The following ZNF503 variants were observed in gnomAD, a reference collection of about 807,000 sequenced individuals.
ZNF503 encodes NocA-like zinc finger 2.
In ZNF503, 15 loss-of-function variants were observed where a neutral mutation model predicts 34.4. The observed-to-expected ratio is 0.44, with a 90% CI of 0.29 to 0.67. ZNF503 has a LOEUF of 0.67. Among genes scored for constraint, ZNF503 ranks in the 30% least tolerant of loss-of-function variants. The pLI is 0.13. For synonymous variants in ZNF503, 580 were observed against 456.8 expected, an observed-to-expected ratio of 1.27 and a Z score of -3.44; for missense variants, 1,007 against 926.8, an observed-to-expected ratio of 1.09 and a Z score of -1.12.
chr10:75,390,644 C>G, the ZNF503 span, among the ~76,000 whole-genome samples: 4 of 152,186 alleles, frequency 2.6e-5, no homozygotes, highest in Admixed American at 2.0e-4. Flanking sequence ...AAGTCACCAT[C>G]CTGTGACCCA....
At chr10:75,280,469 T>G in the ZNF503 span, 1 of 152,298 alleles carries the variant, frequency 6.6e-6, no homozygotes, top group African/African-American at 2.4e-5. Context: ...TGGCGTGTTT[T>G]GCTGCTGGGA....
chr10:75,317,371 G>A, the ZNF503 span, among the ~76,000 whole-genome samples: 235 of 143,804 alleles, frequency 1.6e-3, no homozygotes, highest in African/African-American at 5.9e-3. Flanking sequence ...TCCATCTCTC[G>A]GGTTCACGCC....
chr10:75,337,490 C>T, the ZNF503 span, among the ~76,000 whole-genome samples: 3,038 of 150,540 alleles, frequency 0.02, 103 homozygotes, highest in African/African-American at 0.071. Context: ...TGGTGGCAGG[C>T]GCCTGTAATC....
the ZNF503 span, among the ~76,000 whole-genome samples, chr10:75,280,654 C>T: frequency 5.9e-5 from 9 of 152,090 alleles, no homozygotes; most frequent in South Asian, 1.9e-3. Flanking sequence ...TATGGGGCAA[C>T]AGCCCCATGC....
Position 75,399,746 on chromosome 10 carries a change from G to A in ZNF503, c.944C>T (p.Ser315Leu), listed in dbSNP as rs377589870. ...KALGSDCGGSSGSSSGSGPSA... is the reference protein window; with the variant it reads ...KALGSDCGGSLGSSSGSGPSA... Reference sequence around the variant, plus strand: ...GGGGCCGGAGCCGGAGCTGGAGCCCGATGAACCGCCGCAGTCCGAGCCCAG... The same window carrying A: ...GGGGCCGGAGCCGGAGCTGGAGCCCAATGAACCGCCGCAGTCCGAGCCCAG... The change falls in exon 2 of 2, where the codon TCG becomes TTG. Residue 315 changes from serine to leucine, a missense_variant. By Grantham distance (145) the Ser-to-Leu change is moderately radical. Coordinates refer to ENST00000372524, the MANE Select transcript of ZNF503 (RefSeq NM_032772.6). 7 of 1,593,208 alleles carry A rather than the reference G, an allele frequency of 4.4e-6. No individual in the cohort carries two copies. In the African/African-American group the frequency reaches 9.4e-5, roughly 21 times the overall value.
At chr10:75,384,167 G>T in the ZNF503 span, among the ~76,000 whole-genome samples, 9 of 152,214 alleles carry the variant, frequency 5.9e-5, no homozygotes, top group Middle Eastern at 3.4e-3. Flanking sequence ...GCTCTGTGTG[G>T]TGGGCGCTCC....
At chr10:75,351,959 G>A in the ZNF503 span, among the ~76,000 whole-genome samples, 101 of 152,266 alleles carry the variant, frequency 6.6e-4, no homozygotes, top group African/African-American at 2.2e-3. Context: ...TAACAGAACA[G>A]GTCATGTGCA....
At chr10:75,297,624 C>T in the ZNF503 span, among the ~76,000 whole-genome samples, 6 of 152,322 alleles carry the variant, frequency 3.9e-5, no homozygotes, top group East Asian at 1.2e-3. Context: ...CTCACAGAGA[C>T]CCAAGAGCAG....
the ZNF503 span, among the ~76,000 whole-genome samples, chr10:75,317,972 G>GGT: frequency 2.0e-5 from 3 of 151,994 alleles, no homozygotes; most frequent in African/African-American, 7.3e-5. Flanking sequence ...CTCCAGCCTG[G>GGT]GCAACAGAGC....
At chr10:75,382,042 T>G in the ZNF503 span, among the ~76,000 whole-genome samples, 8 of 152,070 alleles carry the variant, frequency 5.3e-5, no homozygotes, top group East Asian at 1.6e-3. Context: ...ACTCTTGACC[T>G]CAAGTGATCC....
chr10:75,388,574 A>G, the ZNF503 span, among the ~76,000 whole-genome samples: 1 of 152,192 alleles, frequency 6.6e-6, no homozygotes, highest in Non-Finnish European at 1.5e-5. Context: ...ATACACTATA[A>G]CAAATCCCAG....
the ZNF503 span, among the ~76,000 whole-genome samples, chr10:75,280,957 A>G: frequency 6.6e-6 from 1 of 152,188 alleles, no homozygotes; most frequent in Admixed American, 6.5e-5. Flanking sequence ...CGGCTGCTTC[A>G]GGGAACTTCT....
chr10:75,344,572 C>T, the ZNF503 span, among the ~76,000 whole-genome samples: 2 of 152,330 alleles, frequency 1.3e-5, no homozygotes, highest in East Asian at 3.9e-4. Context: ...CAGCCATCAG[C>T]CTCTATGAAG....
At chr10:75,365,434 C>T in the ZNF503 span, among the ~76,000 whole-genome samples, 1 of 152,246 alleles carries the variant, frequency 6.6e-6, no homozygotes, top group African/African-American at 2.4e-5. Context: ...GCGTGAGCCA[C>T]CGTGCCCGGC....
chr10:75,324,960 T>C, the ZNF503 span, among the ~76,000 whole-genome samples: 1 of 152,224 alleles, frequency 6.6e-6, no homozygotes, highest in Non-Finnish European at 1.5e-5. Context: ...GAAAAGTATT[T>C]CATTTTATGG....
the ZNF503 span, among the ~76,000 whole-genome samples, chr10:75,352,177 A>C: frequency 2.6e-5 from 4 of 152,222 alleles, no homozygotes; most frequent in African/African-American, 9.6e-5. Context: ...TGGAGCCCCC[A>C]AAAGGAGGCA....
At chr10:75,390,203 A>G in the ZNF503 span, among the ~76,000 whole-genome samples, 1 of 151,912 alleles carries the variant, frequency 6.6e-6, no homozygotes, top group Non-Finnish European at 1.5e-5. Flanking sequence ...TTTAATCAGT[A>G]ACATGGAAGC....
chr10:75,401,246 G>A lies in ZNF503; in HGVS notation c.174C>T (p.His58=). ...GCAGGGGGTCAGAGGGGGGCACGGC[G>A]TGCACAAAAGGCTTGGTGCTGCCGG... is the stretch of plus-strand genomic sequence containing the variant. The part of the protein sequence containing the change: ...SPAGSTKPFV[H]AVPPSDPLRQ... The change falls in exon 1 of 2, where the codon CAC becomes CAT. Residue 58 remains histidine (H), a synonymous_variant. Coordinates refer to ENST00000372524, the MANE Select transcript of ZNF503 (RefSeq NM_032772.6). 1.2e-6 allele frequency: 2 copies of A among 1,606,676 alleles called. No homozygotes were observed. The highest frequency in any genetic ancestry group is 1.7e-6 in the Non-Finnish European group (2 of 1,176,804).
the ZNF503 span, among the ~76,000 whole-genome samples, chr10:75,329,738 A>G: frequency 6.6e-6 from 1 of 152,058 alleles, no homozygotes; most frequent in African/African-American, 2.4e-5. Flanking sequence ...CTGCCTCCCA[A>G]AGTGCTGGGA....
Sources: allele counts gnomAD v4.1 joint callset (sites outside exome capture counted in the v4.1 genomes callset), GRCh38; gene constraint gnomAD v4.1.1; transcripts MANE v1.5; gene names NCBI Gene and HGNC (gene_info 2026-07-23, HGNC 2026-07-21).